Variants in ORC5 observed in about 807,000 individuals in gnomAD.
ORC5 encodes protein phosphatase 1, regulatory subunit 117.
In ORC5, 39 loss-of-function variants were observed where a neutral mutation model predicts 58.8. That is an observed-to-expected ratio of 0.66 (90% CI 0.51 to 0.87). ORC5 has a LOEUF of 0.87. Among genes scored for constraint, ORC5 ranks in the 40% least tolerant of loss-of-function variants. The pLI, the probability that ORC5 is intolerant of heterozygous loss-of-function variation, is 0.00. For synonymous variants in ORC5, 218 were observed against 177.6 expected (o/e 1.23, Z -1.81); for missense variants, 493 against 506.3 (o/e 0.97, Z 0.25).
At chr7:104,186,513 C>A (rs1230843759) in intron 6 of ORC5, among the ~76,000 whole-genome samples, 2 of 151,936 alleles carry the variant, frequency 1.3e-5, no homozygotes, top group Non-Finnish European at 2.9e-5. Context: ...GAAAACAAAC[C>A]TAAATGAATA....
intron 11 of ORC5, among the ~76,000 whole-genome samples, chr7:104,161,394 C>A (rs1799020110): frequency 6.6e-6 from 1 of 152,020 alleles, no homozygotes; most frequent in African/African-American, 2.4e-5. Context: ...GAGACAAGGT[C>A]CGCTGTCACC....
At chr7:104,158,028 C>T (rs1184523542) in intron 12 of ORC5, among the ~76,000 whole-genome samples, 1 of 151,904 alleles carries the variant, frequency 6.6e-6, no homozygotes, top group Non-Finnish European at 1.5e-5. Flanking sequence ...CTCTATTTAC[C>T]CATTTATACA....
Position 104,207,856 on chromosome 7 carries a change from T to A in ORC5, c.49A>T (p.Ile17Phe). The part of the protein sequence containing the change: ...VVLCRESQVS[I>F]LQSLFGERHH... ...ACCTCTCCAAACAAGGACTGCAAGA[T>A]GGACACTTGAGACTCGCGACAAAGC... Residue 17 changes from isoleucine (I) to phenylalanine (F), a missense_variant, in exon 1 of 14, where the codon ATC becomes TTC. Around this residue, in one of 3 missense-constraint regions of ORC5, gnomAD observed 412 missense variants for 403.7 expected, o/e 1.02. Transcript: ENST00000297431. 6.2e-7 allele frequency: 1 copy of A among 1,614,172 alleles called. No homozygotes were observed. The highest frequency in any genetic ancestry group is 2.2e-5 in the East Asian group (1 of 44,870).
chr7:104,207,726 G>A, intron 1 of ORC5, 107 bp downstream of exon 1: 1 of 965,494 alleles, frequency 1.0e-6, no homozygotes, highest in Non-Finnish European at 1.6e-6. Flanking sequence ...ACGTAAAAAC[G>A]GCCTTTTGGC....
intron 12 of ORC5, among the ~76,000 whole-genome samples, chr7:104,148,501 T>A (rs944360081): frequency 8.5e-5 from 13 of 152,146 alleles, no homozygotes; most frequent in Admixed American, 8.5e-4. Flanking sequence ...ATTGTAGCAA[T>A]AAGGACAAAG....
At chr7:104,161,284 G>T in intron 11 of ORC5, 102 bp from the exon 12 acceptor site, 1 of 629,034 alleles carries the variant, frequency 1.6e-6, no homozygotes, top group Non-Finnish European at 2.8e-6. Flanking sequence ...GTTATATATA[G>T]TTCCCCTAAA....
At chr7:104,142,498 TAAACAAGATAATAG>T (rs1798689162) in intron 12 of ORC5, among the ~76,000 whole-genome samples, 1 of 151,938 alleles carries the variant, frequency 6.6e-6, no homozygotes, top group South Asian at 2.1e-4. Flanking sequence ...TCAAATGGCA[TAAACAAGATAATAG>T]AAACAAAATT....
At chr7:104,144,042 C>G (rs1798715976) in intron 12 of ORC5, among the ~76,000 whole-genome samples, 1 of 151,998 alleles carries the variant, frequency 6.6e-6, no homozygotes, top group African/African-American at 2.4e-5. Context: ...TTGCTTGAAC[C>G]CAGGGGGTGG....
intron 12 of ORC5, among the ~76,000 whole-genome samples, chr7:104,149,102 G>C (rs571586970): frequency 1.8e-4 from 28 of 151,546 alleles, no homozygotes; most frequent in African/African-American, 6.8e-4. Flanking sequence ...GAAATTATTA[G>C]ATGATATTGA....
chr7:104,151,363 T>C (rs1396770195), intron 12 of ORC5, among the ~76,000 whole-genome samples: 1 of 152,126 alleles, frequency 6.6e-6, no homozygotes, highest in Non-Finnish European at 1.5e-5. Context: ...TTTAAGGTAA[T>C]GTCAGTGAGG....
rs866962410 is a variant in ORC5, at chr7:104,133,167, C to T, written c.1262+3614G>A. 1.3e-5 allele frequency among the ~76,000 whole-genome samples: 2 copies of T among 152,008 alleles called. No homozygotes were observed. Among genetic ancestry groups the T allele is most frequent in the Admixed American group, 6.5e-5 (1 of 15,276 alleles). Reference sequence around the variant, plus strand: ...GAAACTACTGAATATTTTTAATGAGCAGGGTGACATTAAATTTTTATAAAA... The same window carrying T: ...GAAACTACTGAATATTTTTAATGAGTAGGGTGACATTAAATTTTTATAAAA... On this transcript the variant is annotated intron_variant, in intron 13 of 13. Coordinates refer to ENST00000297431, the MANE Select transcript of ORC5 (RefSeq NM_002553.4). This position sits in a 1 kb window ranked among gnomAD's most constrained non-coding sequence, Gnocchi z 4.7.
chr7:104,159,489 AAAAT>A (rs1798987702), intron 12 of ORC5, among the ~76,000 whole-genome samples: 1 of 150,352 alleles, frequency 6.7e-6, no homozygotes, highest in African/African-American at 2.5e-5. Flanking sequence ...ATAATAAAAT[AAAAT>A]AAAATAAATA....
chr7:104,152,688 T>C (rs1562808899), intron 12 of ORC5, among the ~76,000 whole-genome samples: 1 of 152,176 alleles, frequency 6.6e-6, no homozygotes, highest in Non-Finnish European at 1.5e-5. Flanking sequence ...TCTGCCAAGT[T>C]AAATAAAATT....
chr7:104,190,940 T>C (rs1025402913), intron 5 of ORC5, among the ~76,000 whole-genome samples: 1 of 151,872 alleles, frequency 6.6e-6, no homozygotes, highest in Non-Finnish European at 1.5e-5. Flanking sequence ...TCAAAAAATA[T>C]ATATGAACTA....
chr7:104,193,051 C>A (rs949929542), intron 5 of ORC5, among the ~76,000 whole-genome samples: 3 of 151,966 alleles, frequency 2.0e-5, no homozygotes, highest in African/African-American at 4.8e-5. Flanking sequence ...GTGAGGGGGG[C>A]AGACAAAATA....
At position 104,135,345 on chromosome 7, in the gene ORC5, G is replaced by T. The variant is rs148723223; in HGVS notation, c.1262+1436C>A. Among the ~76,000 whole-genome samples the T allele has an allele frequency of 1.1e-3, 162 of 152,136 alleles. 1 individual carries two copies. The highest frequency in any genetic ancestry group is 1.9e-4 in the Non-Finnish European group (13 of 67,992). ...TAAGTTTCTGCTCAATTTTCTCTGC[G>T]TAAAAGTTTTCCTGGTTTTATTAAA... On this transcript the variant is annotated intron_variant, in intron 13 of 13. Coordinates refer to ENST00000297431, the MANE Select transcript of ORC5 (RefSeq NM_002553.4).
At position 104,133,305 on chromosome 7, in the gene ORC5, T is replaced by C. The variant is rs1798541802; in HGVS notation, c.1262+3476A>G. ...GGCTTGATCTAGAGTGGTAAAAGTA[T>C]CATGATAACAAGTGAATGAAATTGA... On this transcript the variant is annotated intron_variant, in intron 13 of 13. Coordinates refer to ENST00000297431, the MANE Select transcript of ORC5 (RefSeq NM_002553.4). The surrounding 1 kb of genome is among the most constrained non-coding windows in gnomAD (Gnocchi z 4.7). Among the ~76,000 whole-genome samples the C allele has an allele frequency of 6.6e-6, 1 of 152,106 alleles. No individual in the cohort carries two copies. Among genetic ancestry groups the C allele is most frequent in the Non-Finnish European group, 1.5e-5 (1 of 68,022 alleles).
Position 104,188,250 on chromosome 7 carries a change from C to G in ORC5, c.684+1G>C. The G allele has an allele frequency of 6.2e-7, 1 of 1,604,336 alleles. No homozygotes were observed. The highest frequency in any genetic ancestry group is 8.5e-7 in the Non-Finnish European group (1 of 1,173,584). Reference sequence around the variant, plus strand: ...TATATTCAAGCAAAATGTTCATTTACCAGATGTCTGAGCTCTTTCAAATCT... The same window carrying G: ...TATATTCAAGCAAAATGTTCATTTAGCAGATGTCTGAGCTCTTTCAAATCT... On this transcript the variant is annotated splice_donor_variant, in intron 6 of 13. Coordinates refer to ENST00000297431, the MANE Select transcript of ORC5 (RefSeq NM_002553.4). LOFTEE classifies it high-confidence loss of function.
chr7:104,127,408 C>T (rs1241873356), intron 13 of ORC5, among the ~76,000 whole-genome samples: 1 of 152,050 alleles, frequency 6.6e-6, no homozygotes, highest in African/African-American at 2.4e-5. Flanking sequence ...TCTGTATGAT[C>T]CAAGAATATG....
Sources: allele counts gnomAD v4.1 joint callset (sites outside exome capture counted in the v4.1 genomes callset), GRCh38; gene constraint gnomAD v4.1.1; regional missense constraint gnomAD v4.1.1; non-coding constraint Gnocchi (gnomAD v3.1); transcripts MANE v1.5; gene names NCBI Gene and HGNC (gene_info 2026-07-23, HGNC 2026-07-21).